Variants in SLCO1A2 observed in about 807,000 individuals in gnomAD.
SLCO1A2 encodes the protein solute carrier organic anion transporter family member 1A2.
In SLCO1A2, 67 loss-of-function variants were observed where a neutral mutation model predicts 69.0. The observed-to-expected ratio is 0.97, with a 90% CI of 0.80 to 1.19. SLCO1A2 has a LOEUF of 1.19. SLCO1A2 is among the 50% of genes most tolerant of loss of function. The pLI, the probability that SLCO1A2 is intolerant of heterozygous loss-of-function variation, is 0.00. For missense variants in SLCO1A2, 787 were observed against 793.7 expected, an observed-to-expected ratio of 0.99 and a Z score of 0.10; for synonymous variants, 260 against 265.9, an observed-to-expected ratio of 0.98 and a Z score of 0.22.
chr12:21,293,885 G>C (rs1277447257), intron 11 of SLCO1A2, 60 bp downstream of exon 11: 1 of 1,419,232 alleles, frequency 7.0e-7, no homozygotes, highest in Non-Finnish European at 9.5e-7. Flanking sequence ...TATAGGCCCA[G>C]TTCATAGTTG....
rs1014495182 is a variant in SLCO1A2 at position 21,313,997 on chromosome 12, G to GA, written c.335+551dup. On this transcript the variant is annotated intron_variant, in intron 4 of 14. Transcript: ENST00000683939. ...TAATAAATAATAAAAAAAAAAAACA[G>GA]AAAAAAAAGAAAGAAATTGGTGGCA... Among the ~76,000 whole-genome samples the GA allele has an allele frequency of 2.1e-4, 30 of 143,430 alleles. No individual in the cohort carries two copies. The East Asian group carries it at 5.2e-3, about 25-fold the overall frequency. The allele number at this position is 143,430 out of a possible 152,430, so 94.1% of individuals were successfully genotyped here.
intron 4 of SLCO1A2, 36 bp from the exon 5 acceptor site, chr12:21,307,024 A>G (rs1452875870): frequency 6.9e-7 from 1 of 1,442,412 alleles, no homozygotes; most frequent in African/African-American, 1.4e-5. Context: ...TTATTTTAAG[A>G]AAGTAATGAG....
At chr12:21,281,176 G>C (rs758541464) in intron 12 of SLCO1A2, among the ~76,000 whole-genome samples, 1 of 152,120 alleles carries the variant, frequency 6.6e-6, no homozygotes, top group Non-Finnish European at 1.5e-5. Context: ...AATGGGCCAG[G>C]CGTGGTGGCT....
intron 1 of SLCO1A2, among the ~76,000 whole-genome samples, chr12:21,380,586 A>G (rs1046611115): frequency 1.3e-5 from 2 of 152,212 alleles, no homozygotes; most frequent in Non-Finnish European, 2.9e-5. Flanking sequence ...TCAAATACAT[A>G]AAGACTGAGA....
intron 8 of SLCO1A2, among the ~76,000 whole-genome samples, chr12:21,299,399 T>C (rs751453004): frequency 1.3e-4 from 20 of 152,082 alleles, no homozygotes; most frequent in Non-Finnish European, 2.5e-4. Context: ...CAATTTACCC[T>C]TTCATTTGCT....
chr12:21,272,888 G>A (rs538754615), intron 14 of SLCO1A2, among the ~76,000 whole-genome samples: 4 of 152,240 alleles, frequency 2.6e-5, no homozygotes, highest in Admixed American at 1.3e-4. Context: ...TTAGGAAAAT[G>A]TAAAGGTAAT....
At chr12:21,383,600 T>C (rs1940720533) in intron 1 of SLCO1A2, among the ~76,000 whole-genome samples, 3 of 152,180 alleles carry the variant, frequency 2.0e-5, no homozygotes, top group African/African-American at 7.2e-5. Flanking sequence ...CATACATAGA[T>C]AAGAGTCTCA....
intron 1 of SLCO1A2, among the ~76,000 whole-genome samples, chr12:21,377,822 G>A (rs554359085): frequency 1.3e-5 from 2 of 152,108 alleles, no homozygotes; most frequent in South Asian, 4.1e-4. Flanking sequence ...ATTCTTATTG[G>A]AAAGATGTAG....
chr12:21,331,145 T>C (rs1175297969), intron 2 of SLCO1A2, among the ~76,000 whole-genome samples: 2 of 152,054 alleles, frequency 1.3e-5, no homozygotes, highest in African/African-American at 4.8e-5. Flanking sequence ...TAAGAACACT[T>C]TAGACCTTAA....
chr12:21,348,811 T>C (rs943542009), intron 2 of SLCO1A2, among the ~76,000 whole-genome samples: 1 of 152,186 alleles, frequency 6.6e-6, no homozygotes, highest in Admixed American at 6.5e-5. Flanking sequence ...TTTAGGGCAG[T>C]GCAGCTACTC....
At chr12:21,341,574 A>G (rs866142400) in intron 2 of SLCO1A2, among the ~76,000 whole-genome samples, 21 of 152,008 alleles carry the variant, frequency 1.4e-4, no homozygotes, top group African/African-American at 5.1e-4. Context: ...TCAGTCTCCA[A>G]TTTTTCTGCC....
At chr12:21,407,572 A>G (rs909571396) in intron 1 of SLCO1A2, among the ~76,000 whole-genome samples, 2 of 152,188 alleles carry the variant, frequency 1.3e-5, no homozygotes, top group African/African-American at 4.8e-5. Context: ...AGGCCAAGGC[A>G]GACGAATCAC....
chr12:21,276,327 C>T (rs1052046359), intron 12 of SLCO1A2, among the ~76,000 whole-genome samples: 7 of 150,766 alleles, frequency 4.6e-5, no homozygotes, highest in African/African-American at 1.7e-4. Context: ...GAGAACAGTA[C>T]CACACATATA....
At chr12:21,302,776 C>T (rs1014478403) in intron 6 of SLCO1A2, among the ~76,000 whole-genome samples, 2 of 151,798 alleles carry the variant, frequency 1.3e-5, no homozygotes, top group African/African-American at 2.4e-5. Context: ...AGGCTGGTCT[C>T]GAACTCCTGA....
chr12:21,293,100 C>A lies in SLCO1A2; in HGVS notation c.1438-764G>T, dbSNP rs1379958735. Among the ~76,000 whole-genome samples the A allele has an allele frequency of 2.0e-5, 3 of 152,032 alleles. No homozygotes were observed. The East Asian group carries it at 5.8e-4, about 29-fold the overall frequency. ...CAGGCGGATCACAAGGTCAGGAGTT[C>A]GAGACCAGCCTGACCAACATGGTGA... On this transcript the variant is annotated intron_variant, in intron 11 of 14. Coordinates refer to ENST00000683939, the MANE Select transcript of SLCO1A2 (RefSeq NM_001386879.1).
At chr12:21,298,179 C>G (rs1948031812) in intron 8 of SLCO1A2, among the ~76,000 whole-genome samples, 1 of 152,014 alleles carries the variant, frequency 6.6e-6, no homozygotes, top group South Asian at 2.1e-4. Context: ...TTTAAAATAC[C>G]AACATCCAGG....
upstream of SLCO1A2, among the ~76,000 whole-genome samples, chr12:21,335,210 TG>T (rs1185506667): frequency 1.3e-5 from 2 of 151,938 alleles, no homozygotes; most frequent in Non-Finnish European, 2.9e-5. Context: ...AAACACTTTC[TG>T]GGGCACTGCT....
intron 3 of SLCO1A2, among the ~76,000 whole-genome samples, chr12:21,315,953 T>A (rs554994457): frequency 5.3e-5 from 8 of 152,206 alleles, no homozygotes; most frequent in Non-Finnish European, 1.2e-4. Context: ...GTATGGAGAA[T>A]GTTGCCTGTA....
chr12:21,322,504 A>G (rs1951756361), intron 2 of SLCO1A2, among the ~76,000 whole-genome samples: 1 of 152,336 alleles, frequency 6.6e-6, no homozygotes, highest in East Asian at 1.9e-4. Context: ...AGGTAGTTTT[A>G]AAGTTTTAAA....
Sources: gnomAD v4.1 joint callset for allele counts (sites outside exome capture counted in the v4.1 genomes callset) on GRCh38, gnomAD v4.1.1 for gene constraint, MANE v1.5 for transcripts, NCBI Gene and HGNC (gene_info 2026-07-23, HGNC 2026-07-21) for gene names.